The following KCNA6 variants were observed in gnomAD, a reference collection of about 807,000 sequenced individuals.
The protein encoded by KCNA6 is human brain potassium channel-2.
In KCNA6, 17 loss-of-function variants were observed where a neutral mutation model predicts 29.5. The ratio of observed to expected loss-of-function variants is 0.58; its 90% CI spans 0.39 to 0.86. The LOEUF is 0.86. KCNA6 is among the 40% of genes least tolerant of loss of function. The pLI, the probability that KCNA6 is intolerant of heterozygous loss-of-function variation, is 0.00. For synonymous variants in KCNA6, 296 were observed against 304.7 expected (o/e 0.97, Z 0.30); for missense variants, 450 against 703.4 (o/e 0.64, Z 4.07).
At chr12:4,837,944 CT>C in the KCNA6 span, among the ~76,000 whole-genome samples, 3 of 151,892 alleles carry the variant, frequency 2.0e-5, no homozygotes, top group African/African-American at 7.3e-5. Flanking sequence ...TGAAGAGAGC[CT>C]TTGTATTTGG....
chr12:4,811,789 C>A lies in KCNA6; in HGVS notation c.*158C>A. The A allele has an allele frequency of 2.5e-6, 2 of 811,042 alleles. No individual in the cohort carries two copies. The highest frequency in any genetic ancestry group is 3.9e-6 in the Non-Finnish European group (2 of 510,838). The allele number at this position is 811,042 out of a possible 1,614,324, so 50.2% of individuals were successfully genotyped here. A position where few individuals can be genotyped will look rare whatever the true frequency, so the allele number is the denominator to read the frequency against. ...AGGACCAAATACCTGGACTATCAAC[C>A]TTGTTGCTTAATCCCTGCAGCATTC... On this transcript the variant is annotated 3_prime_UTR_variant, in exon 1 of 1. Coordinates refer to ENST00000280684, the Ensembl canonical transcript of KCNA6. The surrounding 1 kb of genome is among the most constrained non-coding windows in gnomAD (Gnocchi z 7.1).
chr12:4,820,611 A>G, the KCNA6 span, among the ~76,000 whole-genome samples: 1 of 150,108 alleles, frequency 6.7e-6, no homozygotes, highest in African/African-American at 2.5e-5. Flanking sequence ...ATAACTCTTC[A>G]TTTTCTACCC....
exon 1 of KCNA6, chr12:4,809,733 T>G: frequency 3.3e-6 from 1 of 306,892 alleles, no homozygotes. Flanking sequence ...ACGCGTCTTT[T>G]CGGGCAGCCA....
the KCNA6 span, among the ~76,000 whole-genome samples, chr12:4,822,184 A>G: frequency 7.9e-4 from 121 of 152,264 alleles, no homozygotes; most frequent in African/African-American, 2.9e-3. Context: ...CATAGGTGGG[A>G]GATATTTCTC....
the KCNA6 span, among the ~76,000 whole-genome samples, chr12:4,835,106 C>T: frequency 0.17 from 22,845 of 134,674 alleles, 1,842 homozygotes; most frequent in South Asian, 0.19. Flanking sequence ...AAACTGAGTA[C>T]TCCCATTTTT....
chr12:4,824,984 G>A, the KCNA6 span, among the ~76,000 whole-genome samples: 2 of 152,204 alleles, frequency 1.3e-5, no homozygotes, highest in African/African-American at 2.4e-5. Flanking sequence ...TTGCCTTGCT[G>A]TGTATTAGAA....
chr12:4,809,651 A>C, exon 1 of KCNA6: 1 of 176,730 alleles, frequency 5.7e-6, no homozygotes, highest in Non-Finnish European at 1.2e-5. Flanking sequence ...GGAACTGGGA[A>C]GAGCTAGCCC....
At chr12:4,825,682 A>G in the KCNA6 span, among the ~76,000 whole-genome samples, 1 of 152,238 alleles carries the variant, frequency 6.6e-6, no homozygotes, top group Non-Finnish European at 1.5e-5. Flanking sequence ...GGCACTGAGT[A>G]ATGTGATAAA....
At chr12:4,833,393 G>A in the KCNA6 span, among the ~76,000 whole-genome samples, 1 of 152,232 alleles carries the variant, frequency 6.6e-6, no homozygotes, top group South Asian at 2.1e-4. Context: ...TCCTGCCCAT[G>A]TTGCTCCCAT....
the KCNA6 span, among the ~76,000 whole-genome samples, chr12:4,842,077 G>C: frequency 6.7e-6 from 1 of 149,776 alleles, no homozygotes; most frequent in Non-Finnish European, 1.5e-5. Context: ...TGATGAGGAG[G>C]AGGAGTGGAA....
chr12:4,824,562 G>A, the KCNA6 span, among the ~76,000 whole-genome samples: 1 of 152,188 alleles, frequency 6.6e-6, no homozygotes, highest in Non-Finnish European at 1.5e-5. Flanking sequence ...GAGCAATGAA[G>A]TGACTTACCC....
At chr12:4,816,966 T>A (rs1946688395), downstream of KCNA6, among the ~76,000 whole-genome samples, 1 of 152,178 alleles carries the variant, frequency 6.6e-6, no homozygotes, top group Non-Finnish European at 1.5e-5. Flanking sequence ...ATTTCTCCTC[T>A]CCGCTGGCTG....
the KCNA6 span, among the ~76,000 whole-genome samples, chr12:4,827,091 G>A: frequency 2.4e-5 from 3 of 123,280 alleles, no homozygotes; most frequent in Admixed American, 9.9e-5. Flanking sequence ...CCCCTCCATC[G>A]TCCCCTCTCT....
the KCNA6 span, among the ~76,000 whole-genome samples, chr12:4,837,559 G>A: frequency 6.6e-6 from 1 of 152,240 alleles, no homozygotes; most frequent in Admixed American, 6.5e-5. Flanking sequence ...GGAGGACACT[G>A]GCTGGTATCT....
chr12:4,827,680 G>T, the KCNA6 span, among the ~76,000 whole-genome samples: 1 of 152,218 alleles, frequency 6.6e-6, no homozygotes, highest in East Asian at 1.9e-4. Context: ...TCACCTCACT[G>T]TGCCGCAAAG....
chr12:4,826,955 T>G, the KCNA6 span, among the ~76,000 whole-genome samples: 1 of 152,220 alleles, frequency 6.6e-6, no homozygotes, highest in Admixed American at 6.5e-5. Context: ...TTATCTACTG[T>G]CAAGCAATGA....
downstream of KCNA6, among the ~76,000 whole-genome samples, chr12:4,816,290 GTGTGTGTC>G (rs758226073): frequency 3.1e-5 from 4 of 129,414 alleles, no homozygotes; most frequent in Non-Finnish European, 6.8e-5. Flanking sequence ...GTGTGTGTGT[GTGTGTGTC>G]TGTGTGTGCT....
chr12:4,843,114 A>G, the KCNA6 span, among the ~76,000 whole-genome samples: 1 of 152,236 alleles, frequency 6.6e-6, no homozygotes, highest in East Asian at 1.9e-4. Flanking sequence ...TAGTCACTTC[A>G]TTTTGTCATT....
the KCNA6 span, among the ~76,000 whole-genome samples, chr12:4,843,622 C>T: frequency 2.7e-4 from 41 of 152,300 alleles, no homozygotes; most frequent in African/African-American, 2.4e-5. Flanking sequence ...AATTGGCTCA[C>T]GGTTCTGTGG....
Sources: allele counts gnomAD v4.1 joint callset (sites outside exome capture counted in the v4.1 genomes callset), GRCh38; gene constraint gnomAD v4.1.1; non-coding constraint Gnocchi (gnomAD v3.1); transcripts MANE v1.5; gene names NCBI Gene and HGNC (gene_info 2026-07-23, HGNC 2026-07-21).